Variants in CMSS1 observed in about 807,000 individuals in gnomAD.
CMSS1 encodes the protein cms1 ribosomal small subunit homolog, also known as protein CMSS1.
CMSS1 carries 33 observed loss-of-function variants against 43.5 expected under a neutral mutation model. That is an observed-to-expected ratio of 0.76 (90% confidence interval 0.57 to 1.01). The LOEUF is 1.01. Ranked by LOEUF, CMSS1 falls within the 50% of genes least tolerant of loss-of-function variation. CMSS1 has a pLI of 0.00. For missense variants in CMSS1, 313 were observed against 326.4 expected (o/e 0.96, Z 0.32); for synonymous variants, 115 against 117.2 (o/e 0.98, Z 0.12).
chr3:100,007,181 C>T (rs1710012462), intron 1 of CMSS1, among the ~76,000 whole-genome samples: 2 of 152,180 alleles, frequency 1.3e-5, no homozygotes, highest in South Asian at 4.1e-4. Flanking sequence ...TCATTTTCTG[C>T]TCTTAAGGCT....
At chr3:99,833,114 G>A in intron 1 of CMSS1, 1 of 805,294 alleles carries the variant, frequency 1.2e-6, no homozygotes, top group South Asian at 1.6e-5. Flanking sequence ...ATGTCTTGGA[G>A]GAGATTAAGC....
At chr3:100,156,919 TTTGTTG>T (rs986731857) in intron 2 of CMSS1, among the ~76,000 whole-genome samples, 3 of 151,974 alleles carry the variant, frequency 2.0e-5, no homozygotes, top group African/African-American at 7.2e-5. Context: ...CTGGCTGTTT[TTTGTTG>T]TTGTTGTTGT....
intron 1 of CMSS1, among the ~76,000 whole-genome samples, chr3:99,942,512 C>T (rs1214121881): frequency 6.6e-6 from 1 of 152,184 alleles, no homozygotes; most frequent in Non-Finnish European, 1.5e-5. Context: ...GCACTAGGCA[C>T]ATATTGGATA....
chr3:99,957,648 A>G (rs1576600224), intron 1 of CMSS1, among the ~76,000 whole-genome samples: 1 of 137,926 alleles, frequency 7.3e-6, no homozygotes, highest in South Asian at 2.3e-4. Context: ...AAATTAAGCT[A>G]ATCAGTAGTT....
chr3:99,965,671 A>G (rs1393567676), intron 1 of CMSS1, among the ~76,000 whole-genome samples: 2 of 152,174 alleles, frequency 1.3e-5, no homozygotes, highest in Admixed American at 6.5e-5. Context: ...ATTCCTTACT[A>G]TGATAAATAT....
chr3:100,082,112 T>G (rs2065941434), intron 1 of CMSS1, among the ~76,000 whole-genome samples: 1 of 152,166 alleles, frequency 6.6e-6, no homozygotes, highest in Admixed American at 6.5e-5. Flanking sequence ...TTAGTTCAGT[T>G]CAGTCTTTAA....
At chr3:100,130,142 C>G (rs1202207658) in intron 1 of CMSS1, among the ~76,000 whole-genome samples, 1 of 152,132 alleles carries the variant, frequency 6.6e-6, no homozygotes, top group African/African-American at 2.4e-5. Flanking sequence ...CCTTTTAAAA[C>G]AGAAATGGGG....
intron 1 of CMSS1, among the ~76,000 whole-genome samples, chr3:99,945,853 C>G (rs1707992025): frequency 1.3e-5 from 2 of 152,204 alleles, no homozygotes; most frequent in East Asian, 1.9e-4. Context: ...GTTCCCACCT[C>G]TTATGCGAAA....
At chr3:100,022,563 TTTA>T (rs1438449790) in intron 1 of CMSS1, among the ~76,000 whole-genome samples, 1 of 152,166 alleles carries the variant, frequency 6.6e-6, no homozygotes, top group Non-Finnish European at 1.5e-5. Flanking sequence ...ACACCCTTGG[TTTA>T]TTATTCTTTT....
At chr3:100,090,032 G>C (rs2066077078) in intron 1 of CMSS1, among the ~76,000 whole-genome samples, 3 of 152,150 alleles carry the variant, frequency 2.0e-5, no homozygotes, top group Admixed American at 1.3e-4. Flanking sequence ...CTCCTGATAG[G>C]AGTGCGTGGA....
intron 1 of CMSS1, among the ~76,000 whole-genome samples, chr3:99,855,459 G>C (rs770006311): frequency 6.6e-6 from 1 of 152,184 alleles, no homozygotes; most frequent in Non-Finnish European, 1.5e-5. Flanking sequence ...CTGTACATCT[G>C]TCGGTTCTAA....
intron 1 of CMSS1, among the ~76,000 whole-genome samples, chr3:99,846,097 T>C (rs1038991367): frequency 1.3e-5 from 2 of 152,208 alleles, no homozygotes; most frequent in African/African-American, 4.8e-5. Flanking sequence ...ATAGCCCAAA[T>C]TTGGCTCCCA....
intron 1 of CMSS1, among the ~76,000 whole-genome samples, chr3:99,897,017 C>G (rs1241704363): frequency 6.6e-6 from 1 of 152,036 alleles, no homozygotes; most frequent in East Asian, 1.9e-4. Flanking sequence ...TTTCTCAGAA[C>G]AAATTTTTTT....
chr3:100,109,095 A>T (rs1484079375), intron 1 of CMSS1, among the ~76,000 whole-genome samples: 1 of 152,030 alleles, frequency 6.6e-6, no homozygotes, highest in African/African-American at 2.4e-5. Flanking sequence ...CTTAAAAAAA[A>T]AAAAAAGCAT....
At chr3:100,025,980 T>A (rs1200333973) in intron 1 of CMSS1, among the ~76,000 whole-genome samples, 1 of 152,160 alleles carries the variant, frequency 6.6e-6, no homozygotes, top group East Asian at 1.9e-4. Context: ...GCTGGTATGG[T>A]CAAGTACCTT....
At chr3:100,135,585 C>T (rs927249802) in intron 1 of CMSS1, among the ~76,000 whole-genome samples, 1 of 151,718 alleles carries the variant, frequency 6.6e-6, no homozygotes, top group East Asian at 1.9e-4. Context: ...CTCAAGTGAT[C>T]CTCCTGCCTC....
intron 1 of CMSS1, among the ~76,000 whole-genome samples, chr3:100,019,097 G>T (rs1710429529): frequency 6.6e-6 from 1 of 152,196 alleles, no homozygotes; most frequent in South Asian, 2.1e-4. Flanking sequence ...TCAAGGGAAT[G>T]TAAATTGATA....
rs369327422 is a variant in CMSS1 at position 99,850,038 on chromosome 3, C to T, written c.64+31995C>T. ...CTTCTACATCGGTTTTGGACTTGAG[C>T]GCCCTTTTAGTTTCCTCAATTAACT... On this transcript the variant is annotated intron_variant, in intron 1 of 9. Transcript: ENST00000421999. 8.6e-5 allele frequency: 138 copies of T among 1,609,642 alleles called. No individual in the cohort carries two copies. In the African/African-American group the frequency reaches 1.5e-3, roughly 17 times the overall value.
chr3:100,030,412 G>A (rs1179558993), intron 1 of CMSS1, among the ~76,000 whole-genome samples: 1 of 152,086 alleles, frequency 6.6e-6, no homozygotes, highest in African/African-American at 2.4e-5. Flanking sequence ...AACTCTAATT[G>A]TAATGAGTAT....
Sources: allele counts gnomAD v4.1 joint callset (sites outside exome capture counted in the v4.1 genomes callset), GRCh38; gene constraint gnomAD v4.1.1; transcripts MANE v1.5; gene names NCBI Gene and HGNC (gene_info 2026-07-23, HGNC 2026-07-21).